Variants in FSTL5 observed in about 807,000 individuals in gnomAD.
The protein encoded by FSTL5 is follistatin like 5.
A neutral mutation model predicts 89.1 loss-of-function variants in FSTL5; 62 were observed. The observed-to-expected ratio is 0.70, with a 90% CI of 0.57 to 0.86. FSTL5 has a LOEUF of 0.86. Ranked by LOEUF, FSTL5 falls within the 40% of genes least tolerant of loss-of-function variation. The pLI is 0.00. For synonymous variants in FSTL5, 383 were observed against 346.2 expected (o/e 1.11, Z -1.18); for missense variants, 1,057 against 1,001.6 (o/e 1.06, Z -0.75).
chr4:161,563,067 T>C (rs570792937), intron 8 of FSTL5, among the ~76,000 whole-genome samples: 1 of 151,992 alleles, frequency 6.6e-6, no homozygotes, highest in Non-Finnish European at 1.5e-5. Context: ...ACATGGTGGC[T>C]GTGTCCCCGC....
At chr4:161,490,796 G>C (rs1442060321) in intron 12 of FSTL5, among the ~76,000 whole-genome samples, 2 of 152,042 alleles carry the variant, frequency 1.3e-5, no homozygotes. Flanking sequence ...TTCTACATAA[G>C]AATGACTACA....
At chr4:161,627,536 T>G in intron 7 of FSTL5, among the ~76,000 whole-genome samples, 1 of 152,310 alleles carries the variant, frequency 6.6e-6, no homozygotes, top group South Asian at 2.1e-4. Flanking sequence ...TAACCAAACC[T>G]TCAAGATCTC....
intron 6 of FSTL5, among the ~76,000 whole-genome samples, chr4:161,715,129 G>A (rs1219341165): frequency 6.6e-6 from 1 of 152,028 alleles, no homozygotes; most frequent in African/African-American, 2.4e-5. Context: ...GGAGGAGGGT[G>A]GTGAGGGAAA....
intron 5 of FSTL5, among the ~76,000 whole-genome samples, chr4:161,768,388 G>A (rs754124202): frequency 1.7e-4 from 26 of 152,054 alleles, no homozygotes; most frequent in Non-Finnish European, 7.4e-5. Flanking sequence ...AATTTAGGAG[G>A]AGGATCTAAA....
chr4:161,424,575 C>G (rs1028728651), intron 15 of FSTL5, among the ~76,000 whole-genome samples: 2 of 151,402 alleles, frequency 1.3e-5, no homozygotes, highest in Admixed American at 1.3e-4. Context: ...CCTCATCTAT[C>G]TCTTTTTATA....
chr4:162,130,976 C>A (rs895416647), intron 1 of FSTL5, among the ~76,000 whole-genome samples: 6 of 151,998 alleles, frequency 3.9e-5, no homozygotes, highest in African/African-American at 1.4e-4. Flanking sequence ...ATAAAAATTA[C>A]TTTTAATCAC....
chr4:161,504,236 A>C (rs529385755), intron 11 of FSTL5, among the ~76,000 whole-genome samples: 8 of 152,032 alleles, frequency 5.3e-5, no homozygotes, highest in Non-Finnish European at 1.2e-4. Flanking sequence ...CTAATACTAA[A>C]TATTAGTAGA....
intron 1 of FSTL5, among the ~76,000 whole-genome samples, chr4:162,149,965 ATT>A (rs1223635990): frequency 1.3e-5 from 2 of 152,134 alleles, no homozygotes; most frequent in East Asian, 1.9e-4. Context: ...CATTAATAAA[ATT>A]TGTTTTATTT....
At chr4:161,801,965 A>G (rs1729809609) in intron 4 of FSTL5, among the ~76,000 whole-genome samples, 1 of 151,676 alleles carries the variant, frequency 6.6e-6, no homozygotes, top group African/African-American at 2.4e-5. Context: ...ATAGAATCTA[A>G]CTTTATGATG....
chr4:161,577,412 T>C (rs1733257791), intron 8 of FSTL5, among the ~76,000 whole-genome samples: 1 of 128,740 alleles, frequency 7.8e-6, no homozygotes, highest in Non-Finnish European at 1.6e-5. Context: ...ATGAGTGTCA[T>C]GAAACATTGG....
At chr4:161,844,940 T>TA (rs1332649286) in intron 4 of FSTL5, among the ~76,000 whole-genome samples, 1 of 151,322 alleles carries the variant, frequency 6.6e-6, no homozygotes, top group Non-Finnish European at 1.5e-5. Context: ...ATAATAATAA[T>TA]AAAAAAACTA....
At chr4:161,577,619 G>C (rs997947578) in intron 8 of FSTL5, among the ~76,000 whole-genome samples, 2 of 152,072 alleles carry the variant, frequency 1.3e-5, no homozygotes, top group African/African-American at 4.8e-5. Context: ...TTCACAAAAA[G>C]TTGCCAGCTG....
intron 15 of FSTL5, among the ~76,000 whole-genome samples, chr4:161,401,651 A>G (rs1731183279): frequency 6.6e-6 from 1 of 152,038 alleles, no homozygotes; most frequent in Non-Finnish European, 1.5e-5. Context: ...CAGCCTCCAT[A>G]GTAGCTGGGA....
intron 4 of FSTL5, among the ~76,000 whole-genome samples, chr4:161,890,615 G>A (rs1732955601): frequency 1.3e-5 from 2 of 150,198 alleles, no homozygotes; most frequent in Non-Finnish European, 3.0e-5. Flanking sequence ...TTGAACCCGG[G>A]TGGTGGAGGT....
At chr4:162,145,969 T>C (rs1367570390) in intron 1 of FSTL5, among the ~76,000 whole-genome samples, 1 of 152,178 alleles carries the variant, frequency 6.6e-6, no homozygotes, top group African/African-American at 2.4e-5. Context: ...CATGAAACAG[T>C]AGTTTATGCA....
rs141984848 is a variant in FSTL5, at chr4:162,005,557, T to A, written c.160+28068A>T. ...AATGGGATCCCAAGAAAATTCAGAG[T>A]TGGAGAGGAATGTAAAACCACTGAA... On this transcript the variant is annotated intron_variant, in intron 3 of 15. Transcript: ENST00000306100. Among the ~76,000 whole-genome samples, 16 of 151,866 alleles carry A rather than the reference T, an allele frequency of 1.1e-4. No individual in the cohort carries two copies. The East Asian group carries it at 2.1e-3, about 20-fold the overall frequency.
chr4:161,969,995 A>G (rs891598071), intron 3 of FSTL5, among the ~76,000 whole-genome samples: 13 of 152,182 alleles, frequency 8.5e-5, no homozygotes, highest in Admixed American at 7.9e-4. Flanking sequence ...GTTGGTGAGG[A>G]CCAGACCCTT....
At chr4:161,865,557 A>G (rs960724948) in intron 4 of FSTL5, among the ~76,000 whole-genome samples, 1 of 152,182 alleles carries the variant, frequency 6.6e-6, no homozygotes, top group Non-Finnish European at 1.5e-5. Context: ...CCGGGATGTC[A>G]GAAAAATCAT....
chr4:161,980,154 A>G (rs1735778061), intron 3 of FSTL5, among the ~76,000 whole-genome samples: 1 of 148,122 alleles, frequency 6.8e-6, no homozygotes. Context: ...AAGGATAAAG[A>G]TAAAGAAAGA....
Sources: gnomAD v4.1 joint callset for allele counts (sites outside exome capture counted in the v4.1 genomes callset) on GRCh38, gnomAD v4.1.1 for gene constraint, MANE v1.5 for transcripts, NCBI Gene and HGNC (gene_info 2026-07-23, HGNC 2026-07-21) for gene names.